LPIN3: variants seen among roughly 807,000 people sequenced by gnomAD.
The protein encoded by LPIN3 is phosphatidate phosphatase LPIN3.
Under a neutral mutation model 94.7 loss-of-function variants are expected in LPIN3, and 82 were observed. That is an observed-to-expected ratio of 0.87 (90% CI 0.72 to 1.04). LPIN3 has a LOEUF of 1.04. LPIN3 is among the 50% of genes least tolerant of loss of function. The pLI is 0.00. For synonymous variants in LPIN3, 418 were observed against 443.3 expected (o/e 0.94, Z 0.72); for missense variants, 996 against 1,090.5 (o/e 0.91, Z 1.22).
intron 1 of LPIN3, among the ~76,000 whole-genome samples, chr20:41,342,169 G>C (rs2045606219): frequency 6.6e-6 from 1 of 152,148 alleles, no homozygotes; most frequent in African/African-American, 2.4e-5. Context: ...ACTCACACGT[G>C]CCTGATGTTA....
chr20:41,354,829 CAGA>C lies in LPIN3; in HGVS notation c.1633_1635del (p.Lys545del), dbSNP rs780101227. On this transcript the variant is annotated inframe_deletion, in exon 13 of 20. Coordinates refer to ENST00000373257, the MANE Select transcript of LPIN3 (RefSeq NM_022896.3). ...GATGTTCTTTCCACAGCGCAGTGCC[CAGA>C]AGGAGAAGACTGCAGCCAAGGAGCA... The C allele has an allele frequency of 8.5e-5, 136 of 1,595,300 alleles. No homozygotes were observed. The highest frequency in any genetic ancestry group is 1.1e-4 in the Non-Finnish European group (126 of 1,170,822).
At chr20:41,348,398 C>T (rs1461261586) in intron 3 of LPIN3, among the ~76,000 whole-genome samples, 1 of 152,184 alleles carries the variant, frequency 6.6e-6, no homozygotes, top group Non-Finnish European at 1.5e-5. Flanking sequence ...AGGCCGATGC[C>T]AAGATCTCTG....
At chr20:41,353,079 T>C (rs2061234011) in intron 11 of LPIN3, among the ~76,000 whole-genome samples, 1 of 152,218 alleles carries the variant, frequency 6.6e-6, no homozygotes, top group South Asian at 2.1e-4. Flanking sequence ...AATCCTGTTG[T>C]ATTTAAACTT....
intron 1 of LPIN3, among the ~76,000 whole-genome samples, chr20:41,344,061 CA>C (rs201851348): frequency 1.2e-3 from 159 of 129,894 alleles, no homozygotes; most frequent in Admixed American, 1.2e-3. Flanking sequence ...GATCCTGTCT[CA>C]AAAAAAAAAA....
At chr20:41,349,214 G>A in intron 5 of LPIN3, 42 bp downstream of exon 5, 1 of 1,566,764 alleles carries the variant, frequency 6.4e-7, no homozygotes, top group South Asian at 1.1e-5. Context: ...TCCAGATCAA[G>A]GTCTGAGGTT....
intron 6 of LPIN3, 29 bp from the exon 7 acceptor site, chr20:41,350,026 C>A: frequency 6.4e-7 from 1 of 1,570,412 alleles, no homozygotes; most frequent in East Asian, 2.3e-5. Context: ...TACCCTGGCC[C>A]ACATCTTCCT....
At chr20:41,350,009 T>G (rs73123224) in intron 6 of LPIN3, 46 bp from the exon 7 acceptor site, 25,327 of 1,561,854 alleles carry the variant, frequency 0.016, 257 homozygotes, top group Non-Finnish European at 0.021. Flanking sequence ...TTGTGGGGCA[T>G]GGGCCTTACC....
rs141305559 is a variant in LPIN3, at chr20:41,345,398, G to C, written c.-8-398G>C. On this transcript the variant is annotated intron_variant, in intron 1 of 19. Coordinates refer to ENST00000373257, the MANE Select transcript of LPIN3 (RefSeq NM_022896.3). ...CCTCTGCTGGCTCATCTGTAAACAG[G>C]AATAATGACACCCGCTCAGCCAGCC... 4.5e-4 allele frequency among the ~76,000 whole-genome samples: 68 copies of C among 152,310 alleles called. 1 individual carries two copies. The highest frequency in any genetic ancestry group is 1.5e-3 in the African/African-American group (64 of 41,564).
intron 9 of LPIN3, 147 bp from the exon 10 acceptor site, chr20:41,352,458 TG>T: frequency 2.4e-6 from 2 of 821,092 alleles, no homozygotes; most frequent in South Asian, 3.2e-5. Flanking sequence ...TGGGAACAGG[TG>T]TAAAAACCAC....
chr20:41,351,726 A>G, intron 7 of LPIN3, 95 bp from the exon 8 acceptor site: 4 of 1,070,698 alleles, frequency 3.7e-6, no homozygotes, highest in Non-Finnish European at 5.6e-6. Flanking sequence ...TCTGCTGGGC[A>G]GCACTGCCTT....
intron 1 of LPIN3, 85 bp from the exon 2 acceptor site, chr20:41,345,710 TG>T (rs2045743410): frequency 7.2e-7 from 1 of 1,383,374 alleles, no homozygotes; most frequent in Admixed American, 2.2e-5. Context: ...AATGTAAACT[TG>T]GGGGTCTGTG....
chr20:41,355,800 G>T (rs1316276531), intron 13 of LPIN3, 96 bp from the exon 14 acceptor site: 21 of 1,493,506 alleles, frequency 1.4e-5, no homozygotes, highest in Non-Finnish European at 1.8e-5. Context: ...GTAGGCCCTG[G>T]CATGGCGGGG....
Position 41,360,171 on chromosome 20 carries a change from G to C in LPIN3, c.*1305G>C, listed in dbSNP as rs2046340722. ...GAGTCTCTGGGAACTGCATAGGCCT[G>C]AGGAACATGCATTTTCAAGTTGTCC... On this transcript the variant is annotated 3_prime_UTR_variant, in exon 20 of 20. Coordinates refer to ENST00000373257, the MANE Select transcript of LPIN3 (RefSeq NM_022896.3). 1 of 152,626 alleles carries C rather than the reference G, an allele frequency of 6.6e-6. No homozygotes were observed. Among genetic ancestry groups the C allele is most frequent in the Non-Finnish European group, 1.5e-5 (1 of 68,046 alleles). The allele number at this position is 152,626 out of a possible 1,614,324, so 9.5% of individuals were successfully genotyped here. A position where few individuals can be genotyped will look rare whatever the true frequency, so the allele number is the denominator to read the frequency against.
chr20:41,352,179 CCCTCTGT>C lies in LPIN3; in HGVS notation c.1323_1329del (p.Leu442ValfsTer11). On this transcript the variant is annotated frameshift_variant, in exon 9 of 20. Transcript: ENST00000373257. LOFTEE classifies it high-confidence loss of function. ...GACACAGTGGATACAATAGCACTGT[CCCTCTGT>C]GGTGGACTGGCTGACAGCCGGGACA... 1.9e-6 allele frequency: 3 copies of C among 1,614,228 alleles called. No homozygotes were observed. Among genetic ancestry groups the C allele is most frequent in the Non-Finnish European group, 2.5e-6 (3 of 1,180,036 alleles).
chr20:41,354,175 A>G (rs552610584), intron 11 of LPIN3, among the ~76,000 whole-genome samples: 1 of 152,290 alleles, frequency 6.6e-6, no homozygotes, highest in Non-Finnish European at 1.5e-5. Context: ...TTATGGTAAC[A>G]TACAGAAAAG....
Position 41,358,020 on chromosome 20 carries a change from C to T in LPIN3, c.2178C>T (p.Phe726=), listed in dbSNP as rs36001533. Residue 726 remains phenylalanine (F), a synonymous_variant, in exon 17 of 20, where the codon TTC becomes TTT. Coordinates refer to ENST00000373257, the MANE Select transcript of LPIN3 (RefSeq NM_022896.3). ...GPILLSPSSL[F]SALHREVIEK... Reference sequence around the variant, plus strand: ...TCCTTCTGTCTCCCAGCAGCCTCTTCTCTGCCCTCCACAGGTAACCACCCC... The same window carrying T: ...TCCTTCTGTCTCCCAGCAGCCTCTTTTCTGCCCTCCACAGGTAACCACCCC... 1.3e-5 allele frequency: 21 copies of T among 1,605,186 alleles called. No individual in the cohort carries two copies. The South Asian group carries it at 2.4e-4, about 18-fold the overall frequency.
chr20:41,347,495 G>T (rs1363502645), intron 2 of LPIN3, 57 bp from the exon 3 acceptor site: 31 of 1,552,496 alleles, frequency 2.0e-5, no homozygotes. Context: ...CAGGAGGCCT[G>T]TGGTCGGAAG....
At chr20:41,345,692 G>A (rs908668494) in intron 1 of LPIN3, 104 bp from the exon 2 acceptor site, 11 of 1,245,724 alleles carry the variant, frequency 8.8e-6, no homozygotes, top group Middle Eastern at 4.3e-4. Context: ...ACTCCAAGGC[G>A]TGACACAAAT....
Position 41,358,985 on chromosome 20 carries a change from G to C in LPIN3, c.*119G>C. ...AAACCCACTGAAGGGGAAGGAGGAG[G>C]CTGCAGGTTGGTTGGCAGCTAGAGA... On this transcript the variant is annotated 3_prime_UTR_variant, in exon 20 of 20. Coordinates refer to ENST00000373257, the MANE Select transcript of LPIN3 (RefSeq NM_022896.3). 1 of 1,335,658 alleles carries C rather than the reference G, an allele frequency of 7.5e-7. No individual in the cohort carries two copies. The allele number at this position is 1,335,658 out of a possible 1,614,324, so 82.7% of individuals were successfully genotyped here. A position where few individuals can be genotyped will look rare whatever the true frequency, so the allele number is the denominator to read the frequency against.
Sources: gnomAD v4.1 joint callset for allele counts (sites outside exome capture counted in the v4.1 genomes callset) on GRCh38, gnomAD v4.1.1 for gene constraint, MANE v1.5 for transcripts, NCBI Gene and HGNC (gene_info 2026-07-23, HGNC 2026-07-21) for gene names.